The following LAD1 variants were observed in gnomAD, a reference collection of about 807,000 sequenced individuals.
LAD1 encodes ladinin 1, also known as ladinin-1.
A neutral mutation model predicts 54.2 loss-of-function variants in LAD1; 53 were observed. That is an observed-to-expected ratio of 0.98 (90% CI 0.78 to 1.23). LAD1 has a LOEUF of 1.23. Ranked by LOEUF, LAD1 falls within the 50% of genes most tolerant of loss-of-function variation. LAD1 has a pLI of 0.00. For synonymous variants in LAD1, 231 were observed against 257.7 expected (o/e 0.90, Z 0.99); for missense variants, 637 against 653.3 (o/e 0.98, Z 0.27).
chr1:201,384,848 G>A lies in LAD1; in HGVS notation c.1132-13C>T, dbSNP rs2102355569. On this transcript the variant is annotated splice_polypyrimidine_tract_variant and intron_variant, in intron 4 of 9. Coordinates refer to ENST00000391967, the MANE Select transcript of LAD1 (RefSeq NM_005558.4). ...TCTTGGGTTTCATCTGAAATGAGAA[G>A]GAAAGGCATTGTTGTGTGGGAGTCC... is the stretch of plus-strand genomic sequence containing the variant. The A allele has an allele frequency of 6.2e-7, 1 of 1,613,796 alleles. No individual in the cohort carries two copies. The highest frequency in any genetic ancestry group is 8.5e-7 in the Non-Finnish European group (1 of 1,179,976).
Position 201,387,008 on chromosome 1 carries a change from C to CCCT in LAD1, c.350_352dup (p.Glu117dup), listed in dbSNP as rs757635955. ...CTGCACAGGGCTCAAGCTGTTCCTC[C>CCCT]CCTCCTCTGCCTCCAGCCTCTCCTG... On this transcript the variant is annotated inframe_insertion, in exon 3 of 10. Transcript: ENST00000391967. The CCCT allele has an allele frequency of 4.9e-5, 79 of 1,609,564 alleles. No homozygotes were observed. The highest frequency in any genetic ancestry group is 5.4e-5 in the Non-Finnish European group (64 of 1,178,170).
chr1:201,394,171 AG>A (rs1180036926), intron 1 of LAD1, among the ~76,000 whole-genome samples: 2 of 152,226 alleles, frequency 1.3e-5, no homozygotes, highest in Non-Finnish European at 2.9e-5. Context: ...TGGAACAGCA[AG>A]TAAGTGTCAA....
In LAD1 at chr1:201,382,657, G is replaced by T; in HGVS notation, c.1469C>A (p.Pro490His). The change falls in exon 8 of 10, where the codon CCC becomes CAC. Residue 490 changes from proline to histidine, a missense_variant. Pro to His is a moderately conservative substitution (Grantham distance 77). Coordinates refer to ENST00000391967, the MANE Select transcript of LAD1 (RefSeq NM_005558.4). The part of the protein sequence containing the change: ...SRTQESGDQD[P>H]QEAQKASSAT... ...CATCAGGGAGGGTGAGGATACCTGGGGGTCCTGATCTCCAGATTCCTGGGT... is the reference window on the plus strand; with the variant it reads ...CATCAGGGAGGGTGAGGATACCTGGTGGTCCTGATCTCCAGATTCCTGGGT... 1 of 1,598,530 alleles carries T rather than the reference G, an allele frequency of 6.3e-7. No homozygotes were observed. The highest frequency in any genetic ancestry group is 8.5e-7 in the Non-Finnish European group (1 of 1,172,354).
At chr1:201,383,499 A>G (rs1301666460) in intron 5 of LAD1, 110 bp from the exon 6 acceptor site, 21 of 1,016,750 alleles carry the variant, frequency 2.1e-5, no homozygotes, top group Non-Finnish European at 3.1e-5. Context: ...TGTGGCCAAG[A>G]GAATGTGGCC....
At chr1:201,382,206 C>A in intron 9 of LAD1, 46 bp downstream of exon 9, 2 of 1,473,924 alleles carry the variant, frequency 1.4e-6, no homozygotes, top group East Asian at 4.5e-5. Context: ...TCCCACAGTA[C>A]ACCGTGGCCC....
chr1:201,394,250 C>T (rs1662247844), intron 1 of LAD1, among the ~76,000 whole-genome samples: 1 of 152,194 alleles, frequency 6.6e-6, no homozygotes, highest in Non-Finnish European at 1.5e-5. Context: ...CCGAGGCGCA[C>T]AAAGGGGGAA....
Position 201,381,127 on chromosome 1 carries a change from G to C in LAD1, c.*761C>G, listed in dbSNP as rs963064299. 6.5e-6 allele frequency: 1 copy of C among 152,810 alleles called. No individual in the cohort carries two copies. The highest frequency in any genetic ancestry group is 1.9e-4 in the East Asian group (1 of 5,166). The allele number at this position is 152,810 out of a possible 1,614,324, so 9.5% of individuals were successfully genotyped here. The stretch of plus-strand genomic sequence containing the variant: ...GAAGAGGGGGGATGAGGAAAATGAT[G>C]ATCCTCCTCACACACTTCAGGTGAC... On this transcript the variant is annotated 3_prime_UTR_variant, in exon 10 of 10. Coordinates refer to ENST00000391967, the MANE Select transcript of LAD1 (RefSeq NM_005558.4).
chr1:201,382,857 A>T, intron 7 of LAD1, 118 bp from the exon 8 acceptor site: 1 of 960,256 alleles, frequency 1.0e-6, no homozygotes, highest in Non-Finnish European at 1.6e-6. Context: ...AGCACATGCC[A>T]CATATACCTG....
intron 2 of LAD1, among the ~76,000 whole-genome samples, chr1:201,388,440 T>C (rs1212674514): frequency 6.7e-6 from 1 of 149,736 alleles, no homozygotes; most frequent in Non-Finnish European, 1.5e-5. Flanking sequence ...TTCCCAGCAC[T>C]TTGGGAGGCC....
At chr1:201,391,162 C>T (rs887009621) in intron 1 of LAD1, 7 of 456,398 alleles carry the variant, frequency 1.5e-5, no homozygotes, top group African/African-American at 1.2e-4. Context: ...GAAAGAGCTT[C>T]GTGGAAAGAG....
chr1:201,385,406 G>C (rs901955197), intron 4 of LAD1, among the ~76,000 whole-genome samples: 2 of 152,204 alleles, frequency 1.3e-5, no homozygotes, highest in African/African-American at 4.8e-5. Flanking sequence ...ATGAAGGCAG[G>C]TGTGGACCTC....
At chr1:201,395,686 G>C (rs1662276059) in intron 1 of LAD1, among the ~76,000 whole-genome samples, 2 of 152,120 alleles carry the variant, frequency 1.3e-5, no homozygotes, top group African/African-American at 2.4e-5. Context: ...TAGAACCCAA[G>C]AGGTGGAGGT....
intron 1 of LAD1, among the ~76,000 whole-genome samples, chr1:201,396,301 C>T (rs554015759): frequency 5.3e-5 from 8 of 152,280 alleles, no homozygotes; most frequent in African/African-American, 1.9e-4. Flanking sequence ...TGCTATCCTC[C>T]TCCCCACTCC....
At chr1:201,394,169 CAAGT>C (rs772256719) in intron 1 of LAD1, among the ~76,000 whole-genome samples, 2 of 152,310 alleles carry the variant, frequency 1.3e-5, no homozygotes, top group African/African-American at 4.8e-5. Flanking sequence ...TGTGGAACAG[CAAGT>C]AAGTGTCAAT....
At chr1:201,384,698 C>T (rs752876588) in intron 5 of LAD1, 94 bp downstream of exon 5, 18 of 1,291,036 alleles carry the variant, frequency 1.4e-5, no homozygotes, top group Middle Eastern at 2.1e-4. Flanking sequence ...TGTGCCCTAC[C>T]GCACAGCCTG....
intron 1 of LAD1, among the ~76,000 whole-genome samples, chr1:201,398,552 A>C (rs1662341672): frequency 6.6e-6 from 1 of 152,098 alleles, no homozygotes. Flanking sequence ...ACCAATCTCC[A>C]TGAGGGGTGC....
Position 201,386,387 on chromosome 1 carries a change from C to T in LAD1, c.974G>A (p.Gly325Glu), listed in dbSNP as rs565883797. The change falls in exon 3 of 10, where the codon GGG becomes GAG. Residue 325 changes from glycine to glutamate, a missense_variant. Physicochemically the swap from Gly to Glu is moderately conservative, Grantham distance 98 (BLOSUM62 -2). Coordinates refer to ENST00000391967, the MANE Select transcript of LAD1 (RefSeq NM_005558.4). ...GKNLPSLAKQ[G>E]ASDPPTVASR... The stretch of plus-strand genomic sequence containing the variant: ...GGCCACAGTCGGAGGGTCTGAAGCC[C>T]CCTGCTTTGCCAAAGAGGGCAGGTT... The T allele has an allele frequency of 7.9e-6, 12 of 1,519,460 alleles. No homozygotes were observed. In the African/African-American group the frequency reaches 1.5e-4, roughly 19 times the overall value. 94.1% of individuals were successfully genotyped at this position (1,519,460 alleles called of 1,614,324 possible). A position where few individuals can be genotyped will look rare whatever the true frequency, so the allele number is the denominator to read the frequency against.
In LAD1 at chr1:201,387,023, A is replaced by T; in HGVS notation, c.338T>A (p.Leu113Gln). Residue 113 changes from leucine to glutamine, a missense_variant, in exon 3 of 10, where the codon CTG becomes CAG. Physicochemically the swap from Leu to Gln is moderately radical, Grantham distance 113 (BLOSUM62 -2). Coordinates refer to ENST00000391967, the MANE Select transcript of LAD1 (RefSeq NM_005558.4). ...GCTGTTCCTCCCCTCCTCTGCCTCC[A>T]GCCTCTCCTGGATGGGGGCCTGTGC... ...EAAQAPIQERLEAEEGRNSLS... is the reference protein window; with the variant it reads ...EAAQAPIQERQEAEEGRNSLS... 6.2e-7 allele frequency: 1 copy of T among 1,611,628 alleles called. No homozygotes were observed. Among genetic ancestry groups the T allele is most frequent in the Non-Finnish European group, 8.5e-7 (1 of 1,178,950 alleles).
chr1:201,385,806 C>T lies in LAD1; in HGVS notation c.1027-1G>A. 1.2e-6 allele frequency: 2 copies of T among 1,610,862 alleles called. No homozygotes were observed. Among genetic ancestry groups the T allele is most frequent in the South Asian group, 1.1e-5 (1 of 90,998 alleles). On this transcript the variant is annotated splice_acceptor_variant, in intron 3 of 9. Coordinates refer to ENST00000391967, the MANE Select transcript of LAD1 (RefSeq NM_005558.4). LOFTEE classifies it high-confidence loss of function. ...CTTCCTCCTTGCTGGGGATTTTCAC[C>T]TGGATGGAGCAGGGGGAGTGTCACA...
Sources: allele counts gnomAD v4.1 joint callset (sites outside exome capture counted in the v4.1 genomes callset), GRCh38; gene constraint gnomAD v4.1.1; transcripts MANE v1.5; gene names NCBI Gene and HGNC (gene_info 2026-07-23, HGNC 2026-07-21).